Variants in MIEF2 observed in about 807,000 individuals in gnomAD.
MIEF2 encodes mitochondrial dynamics protein MID49.
In MIEF2, 1 loss-of-function variant was observed where a neutral mutation model predicts 7.4. The ratio of observed to expected loss-of-function variants is 0.14; its 90% CI spans 0.05 to 0.64. MIEF2 has a LOEUF of 0.64. Among genes scored for constraint, MIEF2 ranks in the 30% least tolerant of loss-of-function variants. The pLI is 0.85. For missense variants in MIEF2, 569 were observed against 623.9 expected (o/e 0.91, Z 0.94); for synonymous variants, 275 against 290.5 (o/e 0.95, Z 0.54).
chr17:18,265,324 G>A lies in MIEF2; in HGVS notation c.*560G>A, dbSNP rs187472102. The A allele has an allele frequency of 4.0e-4, 62 of 153,166 alleles. No individual in the cohort carries two copies. The highest frequency in any genetic ancestry group is 6.1e-4 in the Non-Finnish European group (42 of 68,664). 9.5% of individuals were successfully genotyped at this position (153,166 alleles called of 1,614,324 possible). Reference sequence around the variant, plus strand: ...GGCATTTTCCTGCTGTCTTCTGTGCGTTTAGTTTTCTTGCTGAGCGGGAGC... The same window carrying A: ...GGCATTTTCCTGCTGTCTTCTGTGCATTTAGTTTTCTTGCTGAGCGGGAGC... On this transcript the variant is annotated 3_prime_UTR_variant, in exon 4 of 4. Coordinates refer to ENST00000323019, the MANE Select transcript of MIEF2 (RefSeq NM_139162.4).
rs1303367049 is a variant in MIEF2, at chr17:18,262,699, CT to C, written c.-7-14del. ...CTGCACCTGAGCTGCCCCTTCACCC[CT>C]GGCTCTCTTACAGGCAGACCATGGC... On this transcript the variant is annotated splice_polypyrimidine_tract_variant and intron_variant, in intron 1 of 3. Transcript: ENST00000323019. 3.8e-6 allele frequency: 6 copies of C among 1,583,186 alleles called. No homozygotes were observed. The highest frequency in any genetic ancestry group is 5.2e-6 in the Non-Finnish European group (6 of 1,163,388).
In MIEF2 at chr17:18,264,937, G is replaced by A; in HGVS notation, c.*173G>A. 1 of 1,213,280 alleles carries A rather than the reference G, an allele frequency of 8.2e-7. No homozygotes were observed. Among genetic ancestry groups the A allele is most frequent in the Non-Finnish European group, 1.1e-6 (1 of 904,070 alleles). 75.2% of individuals were successfully genotyped at this position (1,213,280 alleles called of 1,614,324 possible). A position where few individuals can be genotyped will look rare whatever the true frequency, so the allele number is the denominator to read the frequency against. On this transcript the variant is annotated 3_prime_UTR_variant, in exon 4 of 4. Coordinates refer to ENST00000323019, the MANE Select transcript of MIEF2 (RefSeq NM_139162.4). The stretch of plus-strand genomic sequence containing the variant: ...TTGGGCTATGGTGGCCATAAACCCT[G>A]AGCCCAGAGAGCTTGGGTCACTGTC...
At position 18,263,066 on chromosome 17, in the gene MIEF2, C is replaced by G. The variant is rs1255924960; in HGVS notation, c.148-20C>G. ...CTGCCCAGATTTCATATACACTGAT[C>G]TGTGTGACTGTGCTTGCAGTTCATT... On this transcript the variant is annotated intron_variant, in intron 2 of 3. Transcript: ENST00000323019. 2 of 1,611,256 alleles carry G rather than the reference C, an allele frequency of 1.2e-6. No individual in the cohort carries two copies. Among genetic ancestry groups the G allele is most frequent in the African/African-American group, 1.3e-5 (1 of 74,928 alleles).
rs1299467173 is a variant in MIEF2 at position 18,261,116 on chromosome 17, C to T, written c.-8+379C>T. 3.9e-6 allele frequency: 6 copies of T among 1,551,470 alleles called. No homozygotes were observed. In the South Asian group the frequency reaches 7.1e-5, roughly 18 times the overall value. Reference sequence around the variant, plus strand: ...GGAGCTGGAAGGCTGTGGACTGAGGCCTGCGCGACCCCGCCAGAGATGGGG... The same window carrying T: ...GGAGCTGGAAGGCTGTGGACTGAGGTCTGCGCGACCCCGCCAGAGATGGGG... On this transcript the variant is annotated intron_variant, in intron 1 of 3. Coordinates refer to ENST00000323019, the MANE Select transcript of MIEF2 (RefSeq NM_139162.4).
In MIEF2 at chr17:18,264,662, C is replaced by G. The variant is rs1421624005; in HGVS notation, c.1263C>G (p.Phe421Leu). The G allele has an allele frequency of 2.5e-6, 4 of 1,612,630 alleles. No individual in the cohort carries two copies. The highest frequency in any genetic ancestry group is 3.4e-6 in the Non-Finnish European group (4 of 1,180,028). Residue 421 changes from phenylalanine to leucine, a missense_variant, in exon 4 of 4, where the codon TTC (phenylalanine) becomes TTG (leucine). Transcript: ENST00000323019. The part of the protein sequence containing the change: ...SLEQASLPCH[F>L]NPSVNLFSSL... ...AGCAGGCCAGCCTGCCCTGCCACTT[C>G]AACCCCAGCGTGAACCTCTTCAGCA...
chr17:18,263,125 A>G lies in MIEF2; in HGVS notation c.187A>G (p.Thr63Ala), dbSNP rs1184019072. The G allele has an allele frequency of 3.7e-6, 6 of 1,613,584 alleles. No individual in the cohort carries two copies. Among genetic ancestry groups the G allele is most frequent in the Non-Finnish European group, 4.2e-6 (5 of 1,180,030 alleles). ...RATSPRDEDD[T>A]KADSWKELSL... ...CACTAGCCCGCGGGATGAGGATGAC[A>G]CCAAGGCAGACAGCTGGAAGGAACT... Residue 63 changes from threonine (T) to alanine (A), a missense_variant, in exon 3 of 4, where the codon ACC becomes GCC. By Grantham distance (58) the Thr-to-Ala change is moderately conservative (BLOSUM62 0). Coordinates refer to ENST00000323019, the MANE Select transcript of MIEF2 (RefSeq NM_139162.4).
chr17:18,263,537 G>C, intron 3 of MIEF2, 173 bp from the exon 4 acceptor site: 1 of 968,066 alleles, frequency 1.0e-6, no homozygotes. Context: ...GGGGCAATGA[G>C]AACTCGTCAC....
intron 1 of MIEF2, chr17:18,261,010 G>C (rs1978383858): frequency 8.2e-7 from 1 of 1,212,966 alleles, no homozygotes; most frequent in Non-Finnish European, 1.2e-6. Flanking sequence ...TTTGGCGGAG[G>C]AGGGAAGGCC....
At chr17:18,261,125 C>A in intron 1 of MIEF2, 1 of 1,551,566 alleles carries the variant, frequency 6.4e-7, no homozygotes, top group Non-Finnish European at 8.7e-7. Context: ...GCCTGCGCGA[C>A]CCCGCCAGAG....
chr17:18,263,424 G>T (rs568030886), intron 3 of MIEF2, 176 bp downstream of exon 3: 1 of 988,958 alleles, frequency 1.0e-6, no homozygotes, highest in East Asian at 2.6e-5. Flanking sequence ...AGGTGGTAGC[G>T]TTGTGATGGT....
At position 18,263,786 on chromosome 17, in the gene MIEF2, G is replaced by A; in HGVS notation, c.387G>A (p.Glu129=). 1.9e-6 allele frequency: 3 copies of A among 1,611,072 alleles called. No individual in the cohort carries two copies. The change falls in exon 4 of 4, where the codon GAG becomes GAA. Residue 129 remains glutamate (E), a synonymous_variant. Transcript: ENST00000323019. ...SPAPLCLTLQ[E]RLLAFERDRV... is the part of the protein sequence containing the mutation. ...CACCGCTGTGTCTGACACTGCAGGA[G>A]AGGCTGCTGGCCTTCGAGCGGGACC...
rs140827956 is a variant in MIEF2, at chr17:18,261,198, T to G, written c.-8+461T>G. On this transcript the variant is annotated intron_variant, in intron 1 of 3. Coordinates refer to ENST00000323019, the MANE Select transcript of MIEF2 (RefSeq NM_139162.4). ...TTAAAGCGCTTTACAGTTTGCAAAG[T>G]AGATTCCTGGTCTCTCTGGGGGCGG... 2.5e-5 allele frequency: 38 copies of G among 1,550,072 alleles called. No individual in the cohort carries two copies. In the East Asian group the frequency reaches 9.3e-4, roughly 38 times the overall value.
At chr17:18,261,129 G>A in intron 1 of MIEF2, 1 of 1,551,596 alleles carries the variant, frequency 6.4e-7, no homozygotes, top group Non-Finnish European at 8.7e-7. Flanking sequence ...GCGCGACCCC[G>A]CCAGAGATGG....
rs990001462 is a variant in MIEF2 at position 18,265,065 on chromosome 17, C to T, written c.*301C>T. The stretch of plus-strand genomic sequence containing the variant: ...CAACCCCAGGACCTTTGGCTCTGTC[C>T]ATCACCAGCAACCAATCCACCAACA... On this transcript the variant is annotated 3_prime_UTR_variant, in exon 4 of 4. Coordinates refer to ENST00000323019, the MANE Select transcript of MIEF2 (RefSeq NM_139162.4). 3.7e-5 allele frequency: 11 copies of T among 298,390 alleles called. No individual in the cohort carries two copies. The highest frequency in any genetic ancestry group is 1.5e-4 in the African/African-American group (7 of 47,250). 18.5% of individuals were successfully genotyped at this position (298,390 alleles called of 1,614,324 possible). A position where few individuals can be genotyped will look rare whatever the true frequency, so the allele number is the denominator to read the frequency against.
At chr17:18,261,279 C>T in intron 1 of MIEF2, 2 of 1,263,240 alleles carry the variant, frequency 1.6e-6, no homozygotes, top group Admixed American at 4.1e-5. Flanking sequence ...GCCCTGGGGC[C>T]GTGGCGGGTC....
chr17:18,261,820 A>C (rs1186700471), intron 1 of MIEF2, among the ~76,000 whole-genome samples: 1 of 152,096 alleles, frequency 6.6e-6, no homozygotes, highest in Non-Finnish European at 1.5e-5. Context: ...CACTACCTAC[A>C]CATTGTCCCA....
Position 18,264,464 on chromosome 17 carries a change from G to A in MIEF2, c.1065G>A (p.Arg355=). ...LDDHDAGTRR[R]LLLLLCAVCR... The stretch of plus-strand genomic sequence containing the variant: ...ACCATGACGCTGGGACTCGCCGGCG[G>A]CTGCTGCTGCTGCTGTGTGCTGTCT... Residue 355 remains arginine (R), a synonymous_variant, in exon 4 of 4, where the codon CGG becomes CGA. Transcript: ENST00000323019. 1 of 1,597,116 alleles carries A rather than the reference G, an allele frequency of 6.3e-7. No homozygotes were observed. Among genetic ancestry groups the A allele is most frequent in the South Asian group, 1.1e-5 (1 of 90,746 alleles).
chr17:18,263,353 C>T (rs749669277), intron 3 of MIEF2, 105 bp downstream of exon 3: 12 of 1,440,368 alleles, frequency 8.3e-6, no homozygotes, highest in South Asian at 1.1e-5. Context: ...GCTTCTCTCT[C>T]GGTTGTGGGC....
rs757853980 is a variant in MIEF2, at chr17:18,264,300, G to T, written c.901G>T (p.Val301Leu). 3.7e-6 allele frequency: 6 copies of T among 1,607,638 alleles called. No individual in the cohort carries two copies. The highest frequency in any genetic ancestry group is 5.1e-6 in the Non-Finnish European group (6 of 1,179,896). Residue 301 changes from valine (V) to leucine (L), a missense_variant, in exon 4 of 4, where the codon GTG (valine) becomes TTG (leucine). Coordinates refer to ENST00000323019, the MANE Select transcript of MIEF2 (RefSeq NM_139162.4). ...GCAGCACGAACGCCTGGAGCTCACT[G>T]TGGCTGTGCTTGTGGCAGTCCCTGG... ...EVQHERLELTVAVLVAVPGVD... is the reference protein window; with the variant it reads ...EVQHERLELTLAVLVAVPGVD...
Sources: gnomAD v4.1 joint callset for allele counts (sites outside exome capture counted in the v4.1 genomes callset) on GRCh38, gnomAD v4.1.1 for gene constraint, MANE v1.5 for transcripts, NCBI Gene and HGNC (gene_info 2026-07-23, HGNC 2026-07-21) for gene names.